SCGB2B2: variants seen among roughly 807,000 people sequenced by gnomAD.
SCGB2B2 encodes the protein secretoglobin-like protein.
SCGB2B2 carries 11 observed loss-of-function variants against 7.6 expected under a neutral mutation model. The observed-to-expected ratio is 1.45, with a 90% CI of 0.91 to 2.40. The LOEUF is 2.40. Ranked by LOEUF, SCGB2B2 falls within the 30% of genes most tolerant of loss-of-function variation. SCGB2B2 has a pLI of 0.00. For synonymous variants in SCGB2B2, 50 were observed against 48.6 expected, an observed-to-expected ratio of 1.03 and a Z score of -0.12; for missense variants, 104 against 115.4, an observed-to-expected ratio of 0.90 and a Z score of 0.45.
chr19:34,649,597 C>T (rs139408214), intron 1 of SCGB2B2, among the ~76,000 whole-genome samples: 1 of 152,058 alleles, frequency 6.6e-6, no homozygotes, highest in African/African-American at 2.4e-5. Context: ...GCTTGTAATC[C>T]CAGCACTTTG....
At chr19:34,621,654 T>C (rs569844455) in intron 1 of SCGB2B2, among the ~76,000 whole-genome samples, 2 of 152,372 alleles carry the variant, frequency 1.3e-5, no homozygotes, top group South Asian at 4.1e-4. Flanking sequence ...TTAATTAAGC[T>C]GAGCATTCTT....
chr19:34,594,633 A>T lies in SCGB2B2; in HGVS notation c.-70T>A. On this transcript the variant is annotated 5_prime_UTR_variant, in exon 2 of 4. Transcript: ENST00000601241. ...GATGGGTGAGCTTTATGTATATCTG[A>T]ACAAGGCACATGCCTCTTCGTGTGT... The T allele has an allele frequency of 8.6e-7, 1 of 1,157,182 alleles. No individual in the cohort carries two copies. 71.7% of individuals were successfully genotyped at this position (1,157,182 alleles called of 1,614,324 possible).
chr19:34,593,415 C>G lies in SCGB2B2; in HGVS notation c.*140G>C. ...CTCTGCATATGCGGTCACAGCCAAC[C>G]CCACACAGATGCCAGAACACAGAAC... On this transcript the variant is annotated 3_prime_UTR_variant, in exon 4 of 4. Transcript: ENST00000601241. 1 of 651,086 alleles carries G rather than the reference C, an allele frequency of 1.5e-6. No individual in the cohort carries two copies. The highest frequency in any genetic ancestry group is 2.7e-6 in the Non-Finnish European group (1 of 370,288). 40.3% of individuals were successfully genotyped at this position (651,086 alleles called of 1,614,324 possible).
intron 1 of SCGB2B2, chr19:34,635,804 G>A (rs2066659458): frequency 6.2e-6 from 1 of 160,090 alleles, no homozygotes; most frequent in Non-Finnish European, 1.4e-5. Context: ...ACCCACATGT[G>A]AAGGGATTCA....
intron 1 of SCGB2B2, among the ~76,000 whole-genome samples, chr19:34,634,104 A>C (rs1317508982): frequency 6.6e-6 from 1 of 152,198 alleles, no homozygotes; most frequent in East Asian, 1.9e-4. Context: ...TGTGCACAGG[A>C]GACTAAATCT....
chr19:34,586,521 T>A (rs759831478), downstream of SCGB2B2, among the ~76,000 whole-genome samples: 35 of 152,242 alleles, frequency 2.3e-4, no homozygotes, highest in Non-Finnish European at 4.1e-4. Flanking sequence ...AATCATACAG[T>A]ATGGAATGTT....
rs766720548 is a variant in SCGB2B2 at position 34,595,522 on chromosome 19, T to C, written c.-959A>G. The C allele has an allele frequency of 1.3e-5, 2 of 152,604 alleles. No homozygotes were observed. Among genetic ancestry groups the C allele is most frequent in the Non-Finnish European group, 1.5e-5 (1 of 68,052 alleles). The allele number at this position is 152,604 out of a possible 1,614,324, so 9.5% of individuals were successfully genotyped here. ...CTGGGAGCCTGCACGTCTGTCCACA[T>C]TCCAGTGTTTCAAAGAAGTGTCTTT... On this transcript the variant is annotated 5_prime_UTR_variant, in exon 2 of 4. An upstream start codon of the reference 5' UTR is lost. Transcript: ENST00000601241.
Position 34,593,372 on chromosome 19 carries a change from A to C in SCGB2B2, c.*183T>G, listed in dbSNP as rs2065348215. On this transcript the variant is annotated 3_prime_UTR_variant, in exon 4 of 4. Transcript: ENST00000601241. ...TTTTTCCTCAGTCGCATATTTTCAC[A>C]CTGGGACCCTGGTCACACTCTGCAT... The C allele has an allele frequency of 3.6e-6, 2 of 550,156 alleles. No individual in the cohort carries two copies. Among genetic ancestry groups the C allele is most frequent in the Admixed American group, 3.1e-5 (1 of 32,320 alleles). 34.1% of individuals were successfully genotyped at this position (550,156 alleles called of 1,614,324 possible).
intron 1 of SCGB2B2, among the ~76,000 whole-genome samples, chr19:34,659,798 C>A (rs112026424): frequency 3.3e-5 from 5 of 152,110 alleles, no homozygotes; most frequent in African/African-American, 1.2e-4. Flanking sequence ...CTTTAAAGTT[C>A]ATATGGAACA....
At chr19:34,626,401 A>G (rs1600054392) in intron 1 of SCGB2B2, among the ~76,000 whole-genome samples, 1 of 152,340 alleles carries the variant, frequency 6.6e-6, no homozygotes, top group South Asian at 2.1e-4. Flanking sequence ...ATCAATGCAG[A>G]GAAGTCCTTA....
intron 1 of SCGB2B2, among the ~76,000 whole-genome samples, chr19:34,667,041 C>T (rs1470036404): frequency 5.9e-5 from 9 of 152,108 alleles, no homozygotes; most frequent in Non-Finnish European, 1.0e-4. Flanking sequence ...CCACGACCCC[C>T]GAGGAGGGAC....
At chr19:34,608,935 T>C (rs1040495692) in intron 1 of SCGB2B2, among the ~76,000 whole-genome samples, 2 of 151,992 alleles carry the variant, frequency 1.3e-5, no homozygotes, top group Non-Finnish European at 2.9e-5. Flanking sequence ...TTTACATTCC[T>C]ATCAACCAGC....
chr19:34,656,217 T>C (rs989073741), intron 1 of SCGB2B2, among the ~76,000 whole-genome samples: 10 of 151,494 alleles, frequency 6.6e-5, no homozygotes, highest in African/African-American at 2.5e-4. Flanking sequence ...TTGATGTAAT[T>C]TAACACATTC....
intron 1 of SCGB2B2, among the ~76,000 whole-genome samples, chr19:34,643,880 T>G (rs1034833331): frequency 2.0e-5 from 3 of 149,692 alleles, no homozygotes; most frequent in Non-Finnish European, 3.0e-5. Flanking sequence ...GGTCTAAATA[T>G]CCACAAGAAG....
At chr19:34,672,270 T>C (rs1258185549) in intron 1 of SCGB2B2, among the ~76,000 whole-genome samples, 3 of 152,094 alleles carry the variant, frequency 2.0e-5, no homozygotes, top group African/African-American at 7.2e-5. Flanking sequence ...ATCCCTTTTA[T>C]TGATCTCAAA....
At chr19:34,598,936 G>A (rs2065538857) in intron 1 of SCGB2B2, among the ~76,000 whole-genome samples, 1 of 152,252 alleles carries the variant, frequency 6.6e-6, no homozygotes, top group South Asian at 2.1e-4. Context: ...TGGCCTTGGG[G>A]CCTGCTTGGC....
At chr19:34,616,008 G>A (rs1204916711) in intron 1 of SCGB2B2, among the ~76,000 whole-genome samples, 1 of 151,582 alleles carries the variant, frequency 6.6e-6, no homozygotes, top group Non-Finnish European at 1.5e-5. Context: ...TCCCTATAAA[G>A]GACATGAACT....
chr19:34,603,579 A>C (rs2065690110), intron 1 of SCGB2B2, among the ~76,000 whole-genome samples: 7 of 152,178 alleles, frequency 4.6e-5, no homozygotes. Flanking sequence ...CTAAGGAGGC[A>C]GTGCTGGAGG....
At chr19:34,623,246 A>G (rs2066284306) in intron 1 of SCGB2B2, among the ~76,000 whole-genome samples, 1 of 152,138 alleles carries the variant, frequency 6.6e-6, no homozygotes, top group African/African-American at 2.4e-5. Flanking sequence ...TAAATACTCT[A>G]TATGTGAGTG....
Sources: gnomAD v4.1 joint callset for allele counts (sites outside exome capture counted in the v4.1 genomes callset) on GRCh38, gnomAD v4.1.1 for gene constraint, MANE v1.5 for transcripts, NCBI Gene and HGNC (gene_info 2026-07-23, HGNC 2026-07-21) for gene names.